KCNJ14: variants seen among roughly 807,000 people sequenced by gnomAD.
The protein encoded by KCNJ14 is potassium inwardly rectifying channel subfamily J member 14, also known as ATP-sensitive inward rectifier potassium channel 14.
In KCNJ14, 18 loss-of-function variants were observed where a neutral mutation model predicts 24.5. The observed-to-expected ratio is 0.74, with a 90% confidence interval of 0.51 to 1.09. KCNJ14 has a LOEUF of 1.09. Ranked by LOEUF, KCNJ14 falls within the 50% of genes least tolerant of loss-of-function variation. The pLI is 0.00. For missense variants in KCNJ14, 633 were observed against 623.0 expected (o/e 1.02, Z -0.17); for synonymous variants, 288 against 270.8 (o/e 1.06, Z -0.63).
rs1431576987 is a variant in KCNJ14 at position 48,465,622 on chromosome 19, T to G, written c.*845T>G. 3 of 151,874 alleles carry G rather than the reference T, an allele frequency of 2.0e-5. No individual in the cohort carries two copies. The East Asian group carries it at 5.8e-4, about 29-fold the overall frequency. The allele number at this position is 151,874 out of a possible 1,614,324, so 9.4% of individuals were successfully genotyped here. ...TTGAAAGGATCCACTGGGTGGGTTG[T>G]TTTTTTTTAAAGTGCCATTCTAGAA... On this transcript the variant is annotated 3_prime_UTR_variant, in exon 3 of 3. Coordinates refer to ENST00000342291, the MANE Select transcript of KCNJ14 (RefSeq NM_013348.4).
At chr19:48,457,757 A>G (rs1971554915) in intron 1 of KCNJ14, among the ~76,000 whole-genome samples, 1 of 151,742 alleles carries the variant, frequency 6.6e-6, no homozygotes, top group Admixed American at 6.6e-5. Context: ...AGCTCACTGC[A>G]ACCTCCACCT....
intron 1 of KCNJ14, among the ~76,000 whole-genome samples, chr19:48,459,722 C>T (rs1255512941): frequency 6.6e-6 from 1 of 151,982 alleles, no homozygotes; most frequent in Non-Finnish European, 1.5e-5. Context: ...TAGTGTCTTT[C>T]GGAGCACAAA....
intron 1 of KCNJ14, among the ~76,000 whole-genome samples, chr19:48,458,935 C>CCAAA (rs1555896776): frequency 2.6e-5 from 1 of 38,660 alleles, no homozygotes; most frequent in Non-Finnish European, 4.2e-5. Context: ...GACTCCGTCT[C>CCAAA]AAAAAAAAAA....
intron 1 of KCNJ14, among the ~76,000 whole-genome samples, chr19:48,457,476 TAAG>T (rs1971551864): frequency 6.6e-6 from 1 of 152,218 alleles, no homozygotes; most frequent in African/African-American, 2.4e-5. Context: ...CCTGGTCTTT[TAAG>T]AAGTCCCAAT....
At chr19:48,463,087 A>C (rs1389926969) in intron 2 of KCNJ14, among the ~76,000 whole-genome samples, 1 of 152,116 alleles carries the variant, frequency 6.6e-6, no homozygotes, top group Non-Finnish European at 1.5e-5. Flanking sequence ...CAACGAAACG[A>C]AACTGCACCT....
chr19:48,458,935 C>CAAA (rs34990679), intron 1 of KCNJ14, among the ~76,000 whole-genome samples: 466 of 37,988 alleles, frequency 0.012, 25 homozygotes, highest in African/African-American at 0.026. Context: ...GACTCCGTCT[C>CAAA]AAAAAAAAAA....
rs1971630292 is a variant in KCNJ14 at position 48,464,184 on chromosome 19, C to T, written c.718C>T (p.Arg240Cys). 3.1e-6 allele frequency: 5 copies of T among 1,612,566 alleles called. No homozygotes were observed. Among genetic ancestry groups the T allele is most frequent in the Admixed American group, 3.3e-5 (2 of 59,990 alleles). Reference protein sequence around the residue: ...AHVRAQLLQPRVTPEGEYIPL... With the variant: ...AHVRAQLLQPCVTPEGEYIPL... ...GGCTCCTCGCCTCCTGCTGCAGCCC[C>T]GTGTGACCCCAGAGGGTGAGTACAT... The change falls in exon 3 of 3, where the codon CGT becomes TGT. Residue 240 changes from arginine to cysteine, a missense_variant. Transcript: ENST00000342291.
In KCNJ14 at chr19:48,462,424, G is replaced by T. The variant is rs1044555417; in HGVS notation, c.700G>T (p.Ala234Ser). Reference sequence around the variant, plus strand: ...CCACCTGGTCGAGGCCCACGTGCGTGCCCAGCTGCTGCAGGTGCGCCCGGG... The same window carrying T: ...CCACCTGGTCGAGGCCCACGTGCGTTCCCAGCTGCTGCAGGTGCGCCCGGG... ...RSHLVEAHVR[A>S]QLLQPRVTPE... is the part of the protein sequence containing the mutation. Residue 234 changes from alanine (A) to serine (S), a missense_variant, in exon 2 of 3, where the codon GCC (alanine) becomes TCC (serine). By Grantham distance (99) the Ala-to-Ser change is moderately conservative (BLOSUM62 1). Transcript: ENST00000342291. This position sits in a 1 kb window ranked among gnomAD's most constrained non-coding sequence, Gnocchi z 4.9. The T allele has an allele frequency of 1.4e-5, 21 of 1,481,652 alleles. No homozygotes were observed. Among genetic ancestry groups the T allele is most frequent in the Non-Finnish European group, 1.9e-5 (21 of 1,112,302 alleles). The allele number at this position is 1,481,652 out of a possible 1,614,324, so 91.8% of individuals were successfully genotyped here. A position where few individuals can be genotyped will look rare whatever the true frequency, so the allele number is the denominator to read the frequency against.
Position 48,462,687 on chromosome 19 carries a change from G to T in KCNJ14, c.714+249G>T, listed in dbSNP as rs1273530635. Among the ~76,000 whole-genome samples, 1 of 152,208 alleles carries T rather than the reference G, an allele frequency of 6.6e-6. No homozygotes were observed. Among genetic ancestry groups the T allele is most frequent in the African/African-American group, 2.4e-5 (1 of 41,450 alleles). On this transcript the variant is annotated intron_variant, in intron 2 of 2. Transcript: ENST00000342291. This position sits in a 1 kb window ranked among gnomAD's most constrained non-coding sequence, Gnocchi z 4.9. ...CAGAGCTTCCTGTGGCTTGAGGATTGCCCGCCTGTGGGTAGACCCCAAAAG... is the reference window on the plus strand; with the variant it reads ...CAGAGCTTCCTGTGGCTTGAGGATTTCCCGCCTGTGGGTAGACCCCAAAAG...
intron 1 of KCNJ14, chr19:48,456,518 G>A (rs1306065183): frequency 3.3e-5 from 5 of 152,256 alleles, no homozygotes; most frequent in African/African-American, 1.2e-4. Context: ...CTGCGTGGTT[G>A]TGGGAAGCAG....
At chr19:48,463,472 G>A (rs1299067260) in intron 2 of KCNJ14, among the ~76,000 whole-genome samples, 1 of 152,168 alleles carries the variant, frequency 6.6e-6, no homozygotes, top group African/African-American at 2.4e-5. Flanking sequence ...CTTGGCCTGG[G>A]AGGTGGCTAT....
chr19:48,466,930 G>A lies in KCNJ14; in HGVS notation c.*2153G>A, dbSNP rs540680358. 2 of 152,360 alleles carry A rather than the reference G, an allele frequency of 1.3e-5. No homozygotes were observed. Among genetic ancestry groups the A allele is most frequent in the African/African-American group, 4.8e-5 (2 of 41,556 alleles). The allele number at this position is 152,360 out of a possible 1,614,324, so 9.4% of individuals were successfully genotyped here. A position where few individuals can be genotyped will look rare whatever the true frequency, so the allele number is the denominator to read the frequency against. ...AGGGTTCTTCCCATTGTGGGAGAGT[G>A]AGTGTTTTAGGGGGAGACCTGTCCC... On this transcript the variant is annotated 3_prime_UTR_variant, in exon 3 of 3. Transcript: ENST00000342291.
In KCNJ14 at chr19:48,464,523, TA is replaced by T; in HGVS notation, c.1058del (p.Tyr353LeufsTer33). 1 of 1,614,060 alleles carries T rather than the reference TA, an allele frequency of 6.2e-7. No individual in the cohort carries two copies. Among genetic ancestry groups the T allele is most frequent in the Non-Finnish European group, 8.5e-7 (1 of 1,180,012 alleles). ...EVDYRHFHRTYEVPGTPVCSA... is the reference protein window; with the variant it reads ...EVDYRHFHRTXEVPGTPVCSA... ...CGACTATCGCCACTTCCATCGCACTTATGAGGTCCCAGGGACACCGGTCTGC... is the reference window on the plus strand; with the variant it reads ...CGACTATCGCCACTTCCATCGCACTTTGAGGTCCCAGGGACACCGGTCTGC... On this transcript the variant is annotated frameshift_variant, in exon 3 of 3. Coordinates refer to ENST00000342291, the MANE Select transcript of KCNJ14 (RefSeq NM_013348.4). LOFTEE classifies it high-confidence loss of function.
In KCNJ14 at chr19:48,461,941, T is replaced by G; in HGVS notation, c.217T>G (p.Tyr73Asp). Residue 73 changes from tyrosine (Y) to aspartate (D), a missense_variant, in exon 2 of 3, where the codon TAC (tyrosine) becomes GAC (aspartate). By Grantham distance (160) the Tyr-to-Asp change is radical. Transcript: ENST00000342291. ...AAACCTGGGTGGCCAGGGCGCGCGC[T>G]ACCTGAGCGACCTGTTCACCACATG... ...FVNLGGQGAR[Y>D]LSDLFTTCVD... 6.2e-7 allele frequency: 1 copy of G among 1,612,546 alleles called. No homozygotes were observed. The highest frequency in any genetic ancestry group is 8.5e-7 in the Non-Finnish European group (1 of 1,179,422).
chr19:48,461,971 G>T lies in KCNJ14; in HGVS notation c.247G>T (p.Asp83Tyr), dbSNP rs752204000. Residue 83 changes from aspartate (D) to tyrosine (Y), a missense_variant, in exon 2 of 3, where the codon GAC becomes TAC. By Grantham distance (160) the Asp-to-Tyr change is radical. Coordinates refer to ENST00000342291, the MANE Select transcript of KCNJ14 (RefSeq NM_013348.4). Reference sequence around the variant, plus strand: ...GAGCGACCTGTTCACCACATGCGTGGACGTGCGCTGGCGCTGGATGTGCCT... The same window carrying T: ...GAGCGACCTGTTCACCACATGCGTGTACGTGCGCTGGCGCTGGATGTGCCT... ...YLSDLFTTCV[D>Y]VRWRWMCLLF... The T allele has an allele frequency of 1.2e-6, 2 of 1,613,184 alleles. No homozygotes were observed. The highest frequency in any genetic ancestry group is 2.2e-5 in the South Asian group (2 of 91,058).
Position 48,464,226 on chromosome 19 carries a change from G to A in KCNJ14, c.760G>A (p.Asp254Asn). 1 of 1,614,142 alleles carries A rather than the reference G, an allele frequency of 6.2e-7. No individual in the cohort carries two copies. The highest frequency in any genetic ancestry group is 1.3e-5 in the African/African-American group (1 of 75,010). ...EGEYIPLDHQ[D>N]VDVGFDGGTD... ...TGAGTACATCCCGCTGGACCACCAG[G>A]ATGTGGATGTGGGCTTTGATGGAGG... is the stretch of plus-strand genomic sequence containing the variant. Residue 254 changes from aspartate to asparagine, a missense_variant, in exon 3 of 3, where the codon GAT (aspartate) becomes AAT (asparagine). By Grantham distance (23) the Asp-to-Asn change is conservative (BLOSUM62 1). Coordinates refer to ENST00000342291, the MANE Select transcript of KCNJ14 (RefSeq NM_013348.4).
intron 1 of KCNJ14, among the ~76,000 whole-genome samples, chr19:48,460,285 CCAGG>C (rs1050703961): frequency 7.3e-5 from 11 of 151,310 alleles, no homozygotes; most frequent in Non-Finnish European, 1.5e-4. Context: ...CTCTTGTTGT[CCAGG>C]CTGGAGTGCA....
At chr19:48,461,054 C>T (rs1275140651) in intron 1 of KCNJ14, among the ~76,000 whole-genome samples, 1 of 151,996 alleles carries the variant, frequency 6.6e-6, no homozygotes, top group East Asian at 1.9e-4. Flanking sequence ...GGCGCGGTGG[C>T]TCACGCCTGT....
Position 48,464,766 on chromosome 19 carries a change from C to G in KCNJ14, c.1300C>G (p.Leu434Val). ...RVLTPTLALT[L>V]PP ...TCTCACACCAACCCTGGCGCTGACC[C>G]TGCCTCCATGATGCAAACTGATGTC... The change falls in exon 3 of 3, where the codon CTG becomes GTG. Residue 434 changes from leucine to valine, a missense_variant. Physicochemically the swap from Leu to Val is conservative, Grantham distance 32. Transcript: ENST00000342291. 1 of 1,602,452 alleles carries G rather than the reference C, an allele frequency of 6.2e-7. No individual in the cohort carries two copies. The highest frequency in any genetic ancestry group is 8.5e-7 in the Non-Finnish European group (1 of 1,178,724).
Sources: gnomAD v4.1 joint callset for allele counts (sites outside exome capture counted in the v4.1 genomes callset) on GRCh38, gnomAD v4.1.1 for gene constraint, Gnocchi (gnomAD v3.1) non-coding constraint, MANE v1.5 for transcripts, NCBI Gene and HGNC (gene_info 2026-07-23, HGNC 2026-07-21) for gene names.